Variants in TENM2 observed in about 807,000 individuals in gnomAD.
TENM2 encodes the protein teneurin-2.
Under a neutral mutation model 245.2 loss-of-function variants are expected in TENM2, and 52 were observed. The observed-to-expected ratio is 0.21, with a 90% CI of 0.17 to 0.27. The LOEUF is 0.27. TENM2 is among the 10% of genes least tolerant of loss of function. The pLI, the probability that TENM2 is intolerant of heterozygous loss-of-function variation, is 1.00. For missense variants in TENM2, 3,046 were observed against 3,666.8 expected, an observed-to-expected ratio of 0.83 and a Z score of 4.37; for synonymous variants, 1,363 against 1,438.9, an observed-to-expected ratio of 0.95 and a Z score of 1.19.
At chr5:167,238,186 A>G in the TENM2 span, among the ~76,000 whole-genome samples, 41 of 152,166 alleles carry the variant, frequency 2.7e-4, 1 homozygote, top group Non-Finnish European at 3.2e-4. Context: ...TAAGAGCGTT[A>G]TACAATTAAA....
At chr5:168,134,264 A>G (rs888912601) in intron 12 of TENM2, among the ~76,000 whole-genome samples, 1 of 152,206 alleles carries the variant, frequency 6.6e-6, no homozygotes, top group Non-Finnish European at 1.5e-5. Flanking sequence ...TGTCTGTAAA[A>G]TGGGGGATAC....
At chr5:167,657,029 C>T (rs1431254876) in intron 2 of TENM2, among the ~76,000 whole-genome samples, 1 of 150,956 alleles carries the variant, frequency 6.6e-6, no homozygotes, top group Non-Finnish European at 1.5e-5. Flanking sequence ...TACTGTAGTC[C>T]TACCAGTGGT....
chr5:167,658,244 T>C (rs1239829372), intron 2 of TENM2, among the ~76,000 whole-genome samples: 1 of 151,650 alleles, frequency 6.6e-6, no homozygotes, highest in East Asian at 1.9e-4. Context: ...AGTTTCACTC[T>C]TGTCGCCCAG....
the TENM2 span, among the ~76,000 whole-genome samples, chr5:167,238,009 CAAAAAAA>C: frequency 4.5e-5 from 2 of 44,114 alleles, no homozygotes; most frequent in Non-Finnish European, 8.6e-5. Flanking sequence ...GACTCTGTCT[CAAAAAAA>C]AAAAAAAAAA....
chr5:167,907,007 C>T lies in TENM2; in HGVS notation c.712+30812C>T, dbSNP rs1583330086. 2.6e-5 allele frequency among the ~76,000 whole-genome samples: 4 copies of T among 152,034 alleles called. No individual in the cohort carries two copies. The South Asian group carries it at 6.2e-4, about 24-fold the overall frequency. ...CCGCACTTTGGGAGGCTGAGGCAGG[C>T]GGATCACCTGAGGTAGGGAGTTCGA... On this transcript the variant is annotated intron_variant, in intron 3 of 28. Transcript: ENST00000518659.
At chr5:167,581,171 T>A (rs1745733816) in intron 2 of TENM2, among the ~76,000 whole-genome samples, 1 of 152,200 alleles carries the variant, frequency 6.6e-6, no homozygotes, top group African/African-American at 2.4e-5. Flanking sequence ...TTATTAATAA[T>A]CGGTAGCAGT....
chr5:167,333,579 C>T lies in TENM2; in HGVS notation c.227-41619C>T, dbSNP rs187374504. ...TGGGCCAGCTAAAATAGGACATGAT[C>T]GTTGAAGGACAGGCAAATGGCAACA... On this transcript the variant is annotated intron_variant, in intron 1 of 28. Coordinates refer to ENST00000518659, the Ensembl canonical transcript of TENM2. Among the ~76,000 whole-genome samples the T allele has an allele frequency of 9.2e-5, 14 of 152,178 alleles. 1 individual carries two copies. The highest frequency in any genetic ancestry group is 3.9e-4 in the Admixed American group (6 of 15,284).
At chr5:167,487,212 G>A (rs1242912209) in intron 2 of TENM2, among the ~76,000 whole-genome samples, 5 of 152,120 alleles carry the variant, frequency 3.3e-5, no homozygotes, top group Non-Finnish European at 7.4e-5. Context: ...TTAGGGAGTT[G>A]TCTGACAATT....
chr5:167,565,637 G>A (rs960826240), intron 2 of TENM2, among the ~76,000 whole-genome samples: 1 of 152,090 alleles, frequency 6.6e-6, no homozygotes, highest in Non-Finnish European at 1.5e-5. Flanking sequence ...AATGTTTTTT[G>A]TTTATCTTAT....
intron 12 of TENM2, among the ~76,000 whole-genome samples, chr5:168,149,785 A>G (rs1756478099): frequency 6.6e-6 from 1 of 152,242 alleles, no homozygotes; most frequent in African/African-American, 2.4e-5. Context: ...ATATCCGTAC[A>G]GTGGACTATG....
chr5:167,989,294 GAGAGAGAT>G (rs1343639398), intron 4 of TENM2, among the ~76,000 whole-genome samples: 5 of 151,102 alleles, frequency 3.3e-5, no homozygotes, highest in South Asian at 4.2e-4. Flanking sequence ...GAGAGAGAGA[GAGAGAGAT>G]AGATAGATTT....
At chr5:167,727,259 G>A (rs1475170609) in intron 2 of TENM2, among the ~76,000 whole-genome samples, 9 of 151,764 alleles carry the variant, frequency 5.9e-5, no homozygotes, top group South Asian at 2.1e-4. Context: ...ACAGGTGCCC[G>A]CCACCACGCC....
At chr5:168,227,074 C>T (rs1045627709) in intron 24 of TENM2, among the ~76,000 whole-genome samples, 1 of 152,150 alleles carries the variant, frequency 6.6e-6, no homozygotes, top group Admixed American at 6.6e-5. Context: ...GACAGGTACA[C>T]ACTTGCTCAC....
At chr5:167,347,139 G>T (rs997162985) in intron 1 of TENM2, among the ~76,000 whole-genome samples, 3 of 145,322 alleles carry the variant, frequency 2.1e-5, no homozygotes, top group African/African-American at 7.8e-5. Flanking sequence ...TGAATTACAA[G>T]AGAAAAAAAA....
the TENM2 span, among the ~76,000 whole-genome samples, chr5:167,208,057 T>C: frequency 3.0e-3 from 455 of 152,282 alleles, no homozygotes; most frequent in Admixed American, 9.1e-3. Flanking sequence ...CCCGGCCTAC[T>C]GAGGTATATT....
chr5:167,056,484 ATT>A, the TENM2 span, among the ~76,000 whole-genome samples: 4 of 146,178 alleles, frequency 2.7e-5, no homozygotes, highest in Admixed American at 6.9e-5. Context: ...TATTATATAT[ATT>A]ATACATATAT....
At chr5:167,863,408 A>G (rs1010580082) in intron 2 of TENM2, among the ~76,000 whole-genome samples, 9 of 151,864 alleles carry the variant, frequency 5.9e-5, no homozygotes, top group African/African-American at 2.2e-4. Flanking sequence ...TGGGGTCGGG[A>G]GTTTGAGACC....
chr5:168,215,728 C>T (rs751999874), intron 21 of TENM2, among the ~76,000 whole-genome samples: 1 of 152,192 alleles, frequency 6.6e-6, no homozygotes, highest in Non-Finnish European at 1.5e-5. Flanking sequence ...TGCACATAGG[C>T]TCCAAGTGGA....
chr5:167,322,595 C>T (rs1483489061), intron 1 of TENM2, among the ~76,000 whole-genome samples: 1 of 152,202 alleles, frequency 6.6e-6, no homozygotes, highest in Admixed American at 6.5e-5. Context: ...ATTACCTTTT[C>T]CCTCCCCCTT....
Sources: gnomAD v4.1 joint callset for allele counts (sites outside exome capture counted in the v4.1 genomes callset) on GRCh38, gnomAD v4.1.1 for gene constraint, MANE v1.5 for transcripts, NCBI Gene and HGNC (gene_info 2026-07-23, HGNC 2026-07-21) for gene names.